Variants in EPHA3 observed in about 807,000 individuals in gnomAD.
EPHA3 encodes ephrin type-A receptor 3.
In EPHA3, 42 loss-of-function variants were observed where a neutral mutation model predicts 107.1. That is an observed-to-expected ratio of 0.39 (90% CI 0.31 to 0.51). The LOEUF (loss-of-function observed/expected upper bound fraction) is 0.51, where lower values mean the gene tolerates loss of function less well. Ranked by LOEUF, EPHA3 falls within the 20% of genes least tolerant of loss-of-function variation. The probability of loss-of-function intolerance (pLI) is 0.78; values close to 1 mark genes in which losing one functional copy is unlikely to be tolerated. For missense variants in EPHA3, 1,183 were observed against 1,211.2 expected (o/e 0.98, Z 0.35); for synonymous variants, 461 against 424.8 (o/e 1.09, Z -1.05).
At chr3:89,468,628 C>T (rs1051927491) in intron 15 of EPHA3, among the ~76,000 whole-genome samples, 4 of 152,254 alleles carry the variant, frequency 2.6e-5, no homozygotes, top group East Asian at 1.9e-4. Context: ...GCGCGCATGC[C>T]TGTAGATAGT....
intron 2 of EPHA3, among the ~76,000 whole-genome samples, chr3:89,180,338 A>G (rs145511098): frequency 3.4e-3 from 523 of 152,060 alleles, no homozygotes; most frequent in African/African-American, 0.012. Flanking sequence ...CCACTATACC[A>G]TAAACAGAGT....
At chr3:89,383,472 C>G (rs897123659) in intron 5 of EPHA3, among the ~76,000 whole-genome samples, 4 of 151,974 alleles carry the variant, frequency 2.6e-5, no homozygotes, top group African/African-American at 7.3e-5. Context: ...TTGAGAAGCT[C>G]CACAGAGAAT....
intron 3 of EPHA3, among the ~76,000 whole-genome samples, chr3:89,245,126 C>T (rs999814976): frequency 6.6e-6 from 1 of 152,152 alleles, no homozygotes; most frequent in Non-Finnish European, 1.5e-5. Context: ...ATAAATAGCA[C>T]AGATCATGCC....
chr3:89,476,037 T>C (rs915100424), intron 16 of EPHA3, among the ~76,000 whole-genome samples: 1 of 150,960 alleles, frequency 6.6e-6, no homozygotes, highest in Non-Finnish European at 1.5e-5. Flanking sequence ...TAATTCTCTT[T>C]TCAAAAGTCC....
chr3:89,394,879 T>G (rs930181406), intron 5 of EPHA3, among the ~76,000 whole-genome samples: 1 of 152,336 alleles, frequency 6.6e-6, no homozygotes, highest in African/African-American at 2.4e-5. Context: ...TAAGGCAGGG[T>G]GCCACTGAAC....
At chr3:89,196,730 T>G (rs1369184607) in intron 2 of EPHA3, among the ~76,000 whole-genome samples, 1 of 152,162 alleles carries the variant, frequency 6.6e-6, no homozygotes, top group East Asian at 1.9e-4. Context: ...TACTTATGTT[T>G]AAATTTCTTC....
chr3:89,127,527 G>A (rs1356650350), intron 2 of EPHA3, among the ~76,000 whole-genome samples: 1 of 151,794 alleles, frequency 6.6e-6, no homozygotes, highest in African/African-American at 2.4e-5. Context: ...ATTATTATTG[G>A]CATCATGTCA....
intron 3 of EPHA3, among the ~76,000 whole-genome samples, chr3:89,238,888 C>T (rs1704831157): frequency 6.6e-6 from 1 of 152,132 alleles, no homozygotes; most frequent in South Asian, 2.1e-4. Flanking sequence ...AGAAAGCTTT[C>T]TAAGAGTTAT....
intron 3 of EPHA3, among the ~76,000 whole-genome samples, chr3:89,222,574 T>C (rs1302858847): frequency 6.6e-6 from 1 of 151,134 alleles, no homozygotes; most frequent in East Asian, 1.9e-4. Flanking sequence ...TACACATATA[T>C]GCACTTAGCA....
intron 9 of EPHA3, among the ~76,000 whole-genome samples, chr3:89,411,891 T>C (rs1413291019): frequency 6.6e-6 from 1 of 151,948 alleles, no homozygotes; most frequent in East Asian, 1.9e-4. Context: ...TATGAAGTAA[T>C]ATTGGAAACA....
chr3:89,459,786 T>C lies in EPHA3; in HGVS notation c.2690+9416T>C, dbSNP rs560443428. Among the ~76,000 whole-genome samples, 28 of 152,218 alleles carry C rather than the reference T, an allele frequency of 1.8e-4. No homozygotes were observed. In the South Asian group the frequency reaches 5.8e-3, roughly 32 times the overall value. On this transcript the variant is annotated intron_variant, in intron 15 of 16. Transcript: ENST00000336596. ...GATCCACTTGCCTTGGCCTTTCAAA[T>C]TGCTGAGAATTCAGGCTTAAGCCAC...
At chr3:89,109,754 G>A (rs1226258454) in intron 1 of EPHA3, among the ~76,000 whole-genome samples, 2 of 151,934 alleles carry the variant, frequency 1.3e-5, no homozygotes, top group Non-Finnish European at 2.9e-5. Flanking sequence ...TTAACCATAT[G>A]GATATAGAAA....
chr3:89,349,169 CTTG>C (rs1707745844), intron 5 of EPHA3, among the ~76,000 whole-genome samples: 1 of 29,110 alleles, frequency 3.4e-5, no homozygotes, highest in Admixed American at 3.5e-4. Context: ...CCTGGGTATC[CTTG>C]TTGACTTTCT....
intron 1 of EPHA3, among the ~76,000 whole-genome samples, chr3:89,124,519 T>C (rs1704049119): frequency 6.6e-6 from 1 of 152,094 alleles, no homozygotes; most frequent in African/African-American, 2.4e-5. Flanking sequence ...AAGTATGTGC[T>C]TTTAAAGTGT....
chr3:89,141,087 C>T (rs1258323090), intron 2 of EPHA3, among the ~76,000 whole-genome samples: 1 of 151,534 alleles, frequency 6.6e-6, no homozygotes, highest in Non-Finnish European at 1.5e-5. Flanking sequence ...GAATGGAAAT[C>T]AGACAATCTG....
At chr3:89,198,858 T>G (rs2107155679) in intron 2 of EPHA3, among the ~76,000 whole-genome samples, 1 of 152,316 alleles carries the variant, frequency 6.6e-6, no homozygotes, top group South Asian at 2.1e-4. Context: ...TATGCATTAA[T>G]TTCTAAGTAG....
At chr3:89,308,090 A>G (rs1706669310) in intron 3 of EPHA3, among the ~76,000 whole-genome samples, 2 of 152,252 alleles carry the variant, frequency 1.3e-5, no homozygotes, top group African/African-American at 4.8e-5. Flanking sequence ...TTTGCCAATT[A>G]AGCAACCATT....
chr3:89,225,350 A>G (rs1704480085), intron 3 of EPHA3, among the ~76,000 whole-genome samples: 1 of 152,168 alleles, frequency 6.6e-6, no homozygotes, highest in South Asian at 2.1e-4. Flanking sequence ...GGTGTGTTCG[A>G]AACAATTTTC....
intron 3 of EPHA3, among the ~76,000 whole-genome samples, chr3:89,320,590 C>A (rs999574038): frequency 1.6e-5 from 2 of 123,878 alleles, no homozygotes; most frequent in African/African-American, 6.3e-5. Context: ...ATGAAACAAT[C>A]CCATGGACTT....
Sources: allele counts gnomAD v4.1 joint callset (sites outside exome capture counted in the v4.1 genomes callset), GRCh38; gene constraint gnomAD v4.1.1; transcripts MANE v1.5; gene names NCBI Gene and HGNC (gene_info 2026-07-23, HGNC 2026-07-21).